Variants in MMP16 observed in about 807,000 individuals in gnomAD.
MMP16 encodes the protein matrix metalloproteinase-16.
A neutral mutation model predicts 67.8 loss-of-function variants in MMP16; 12 were observed. The ratio of observed to expected loss-of-function variants is 0.18; its 90% CI spans 0.11 to 0.29. The LOEUF (loss-of-function observed/expected upper bound fraction) is 0.29, where lower values mean the gene tolerates loss of function less well. Ranked by LOEUF, MMP16 falls within the 10% of genes least tolerant of loss-of-function variation. The pLI, the probability that MMP16 is intolerant of heterozygous loss-of-function variation, is 1.00. For missense variants in MMP16, 475 were observed against 765.7 expected, an observed-to-expected ratio of 0.62 and a Z score of 4.48; for synonymous variants, 249 against 255.9, an observed-to-expected ratio of 0.97 and a Z score of 0.26.
At chr8:88,173,132 C>G (rs1009003404) in intron 3 of MMP16, among the ~76,000 whole-genome samples, 3 of 152,060 alleles carry the variant, frequency 2.0e-5, no homozygotes, top group African/African-American at 7.2e-5. Context: ...TCACTGCATC[C>G]CCTATCTCCC....
Position 88,041,901 on chromosome 8 carries a change from G to C in MMP16, c.1490-106C>G, listed in dbSNP as rs1808137709. On this transcript the variant is annotated intron_variant, in intron 9 of 9. Coordinates refer to ENST00000286614, the MANE Select transcript of MMP16 (RefSeq NM_005941.5). This position sits in a 1 kb window ranked among gnomAD's most constrained non-coding sequence, Gnocchi z 6.0. ...TATGTCTTAAGAGATGTATTTTAAGGCCCTTTAATTTTCATAGGAAGAAAA... is the reference window on the plus strand; with the variant it reads ...TATGTCTTAAGAGATGTATTTTAAGCCCCTTTAATTTTCATAGGAAGAAAA... 3 of 846,180 alleles carry C rather than the reference G, an allele frequency of 3.5e-6. No homozygotes were observed. The highest frequency in any genetic ancestry group is 5.4e-6 in the Non-Finnish European group (3 of 554,842). The allele number at this position is 846,180 out of a possible 1,614,324, so 52.4% of individuals were successfully genotyped here.
Position 88,264,539 on chromosome 8 carries a change from T to A in MMP16, c.132+62536A>T, listed in dbSNP as rs146095254. 3.9e-5 allele frequency among the ~76,000 whole-genome samples: 6 copies of A among 152,282 alleles called. 1 individual carries two copies. In the East Asian group the frequency reaches 1.2e-3, roughly 29 times the overall value. On this transcript the variant is annotated intron_variant, in intron 1 of 9. Transcript: ENST00000286614. Reference sequence around the variant, plus strand: ...TTTGATCATTTAGAAATATCTCACATGTTTTTAAAGTATTAGAAATACAGA... The same window carrying A: ...TTTGATCATTTAGAAATATCTCACAAGTTTTTAAAGTATTAGAAATACAGA...
chr8:88,138,246 G>C (rs1808155807), intron 4 of MMP16, among the ~76,000 whole-genome samples: 1 of 151,900 alleles, frequency 6.6e-6, no homozygotes, highest in Admixed American at 6.6e-5. Flanking sequence ...CAAATCACCT[G>C]TGTCCTATTG....
intron 6 of MMP16, among the ~76,000 whole-genome samples, chr8:88,083,403 A>T (rs2118316426): frequency 6.6e-6 from 1 of 152,176 alleles, no homozygotes; most frequent in Non-Finnish European, 1.5e-5. Context: ...TAAGCCTGGA[A>T]CAATTGCGAC....
intron 1 of MMP16, among the ~76,000 whole-genome samples, chr8:88,286,407 T>C (rs956342623): frequency 6.6e-6 from 1 of 152,170 alleles, no homozygotes; most frequent in East Asian, 1.9e-4. Flanking sequence ...AACCTTTCCA[T>C]TGAGCTCAAA....
At chr8:88,077,407 C>G (rs2664350) in intron 6 of MMP16, among the ~76,000 whole-genome samples, 24,015 of 152,160 alleles carry the variant, frequency 0.16, 2,366 homozygotes, top group East Asian at 0.37. Flanking sequence ...CCTGACCATG[C>G]TATCTAGAAC....
At chr8:88,272,670 T>C (rs1011338706) in intron 1 of MMP16, among the ~76,000 whole-genome samples, 1 of 152,194 alleles carries the variant, frequency 6.6e-6, no homozygotes, top group African/African-American at 2.4e-5. Flanking sequence ...AACGGGAAAG[T>C]GGCCAAAACA....
At chr8:88,089,999 G>A (rs1808907171) in intron 6 of MMP16, among the ~76,000 whole-genome samples, 1 of 151,952 alleles carries the variant, frequency 6.6e-6, no homozygotes, top group Non-Finnish European at 1.5e-5. Context: ...AAATGTAATT[G>A]AGAATATGTA....
chr8:88,255,786 T>G (rs982229791), intron 1 of MMP16, among the ~76,000 whole-genome samples: 1 of 152,202 alleles, frequency 6.6e-6, no homozygotes, highest in African/African-American at 2.4e-5. Context: ...ACTTCCACAC[T>G]GACGAACTGC....
At chr8:88,236,421 GA>G (rs1465559412) in intron 1 of MMP16, among the ~76,000 whole-genome samples, 1 of 152,246 alleles carries the variant, frequency 6.6e-6, no homozygotes, top group African/African-American at 2.4e-5. Context: ...CAATAATCAG[GA>G]TGGAAGAAGT....
chr8:88,258,044 CT>C (rs71277990), intron 1 of MMP16, among the ~76,000 whole-genome samples: 41,957 of 142,972 alleles, frequency 0.29, 6,371 homozygotes, highest in African/African-American at 0.43. Flanking sequence ...GACTCTTTTT[CT>C]TTTTTTTTTT....
intron 1 of MMP16, among the ~76,000 whole-genome samples, chr8:88,219,946 TAGAA>T (rs1039371479): frequency 2.4e-4 from 36 of 152,266 alleles, no homozygotes; most frequent in African/African-American, 7.9e-4. Flanking sequence ...AAGACAAAAG[TAGAA>T]AGAATGGTAA....
At chr8:88,263,985 A>AAT (rs1554589765) in intron 1 of MMP16, among the ~76,000 whole-genome samples, 1 of 105,216 alleles carries the variant, frequency 9.5e-6, no homozygotes, top group Admixed American at 1.0e-4. Context: ...AGAGAGAGAG[A>AAT]GAGTGTGTGT....
chr8:88,102,419 G>T (rs1193333394), intron 6 of MMP16, among the ~76,000 whole-genome samples: 1 of 151,962 alleles, frequency 6.6e-6, no homozygotes, highest in East Asian at 2.0e-4. Context: ...TGAGGTATGG[G>T]GGGAGTGGGG....
chr8:88,266,008 G>A (rs1048401649), intron 1 of MMP16, among the ~76,000 whole-genome samples: 1 of 152,138 alleles, frequency 6.6e-6, no homozygotes, highest in African/African-American at 2.4e-5. Context: ...TAAAATGAGA[G>A]CTTGCTCTAT....
At chr8:88,099,468 G>A (rs1293624990) in intron 6 of MMP16, among the ~76,000 whole-genome samples, 1 of 151,766 alleles carries the variant, frequency 6.6e-6, no homozygotes, top group Non-Finnish European at 1.5e-5. Context: ...TACCAATGAT[G>A]ACAATGTCTA....
At position 88,066,965 on chromosome 8, in the gene MMP16, T is replaced by A. The variant is rs145957712; in HGVS notation, c.1222+7640A>T. On this transcript the variant is annotated intron_variant, in intron 7 of 9. Coordinates refer to ENST00000286614, the MANE Select transcript of MMP16 (RefSeq NM_005941.5). Reference sequence around the variant, plus strand: ...ATTATTCAAAATGTGGGCATCAAAATTTTTTTGGTAGTTATTTCCAAGATG... The same window carrying A: ...ATTATTCAAAATGTGGGCATCAAAAATTTTTTGGTAGTTATTTCCAAGATG... Among the ~76,000 whole-genome samples the A allele has an allele frequency of 6.6e-3, 1,000 of 152,146 alleles. 17 individuals are homozygous for A. The highest frequency in any genetic ancestry group is 0.023 in the African/African-American group (940 of 41,532).
chr8:88,131,252 ACTAT>A (rs1340781301), intron 4 of MMP16, among the ~76,000 whole-genome samples: 1 of 143,600 alleles, frequency 7.0e-6, no homozygotes, highest in Non-Finnish European at 1.5e-5. Context: ...GCTGAGTATG[ACTAT>A]CTATAGTATT....
intron 1 of MMP16, among the ~76,000 whole-genome samples, chr8:88,318,351 CTGAG>C (rs1410290956): frequency 4.6e-5 from 7 of 152,162 alleles, no homozygotes; most frequent in Admixed American, 3.9e-4. Context: ...TAAAACTATA[CTGAG>C]TATCACATAA....
Sources: gnomAD v4.1 joint callset for allele counts (sites outside exome capture counted in the v4.1 genomes callset) on GRCh38, gnomAD v4.1.1 for gene constraint, Gnocchi (gnomAD v3.1) non-coding constraint, MANE v1.5 for transcripts, NCBI Gene and HGNC (gene_info 2026-07-23, HGNC 2026-07-21) for gene names.